The following FHIT variants were observed in gnomAD, a reference collection of about 807,000 sequenced individuals.
FHIT encodes fragile histidine triad diadenosine triphosphatase.
FHIT carries 19 observed loss-of-function variants against 17.9 expected under a neutral mutation model. That is an observed-to-expected ratio of 1.06 (90% CI 0.74 to 1.56). The LOEUF is 1.56. Ranked by LOEUF, FHIT falls within the 40% of genes most tolerant of loss-of-function variation. The pLI is 0.00. For synonymous variants in FHIT, 81 were observed against 69.7 expected, an observed-to-expected ratio of 1.16 and a Z score of -0.81; for missense variants, 248 against 189.2, an observed-to-expected ratio of 1.31 and a Z score of -1.82.
chr3:60,516,862 T>C (rs2035179559), intron 5 of FHIT, among the ~76,000 whole-genome samples: 1 of 152,230 alleles, frequency 6.6e-6, no homozygotes, highest in African/African-American at 2.4e-5. Context: ...ACCCATGTTA[T>C]AATAGGGATA....
At chr3:60,389,989 A>C (rs1701157859) in intron 5 of FHIT, among the ~76,000 whole-genome samples, 1 of 152,120 alleles carries the variant, frequency 6.6e-6, no homozygotes, top group Admixed American at 6.5e-5. Context: ...CTCCTCTGAA[A>C]ACGCTTTTCA....
intron 3 of FHIT, among the ~76,000 whole-genome samples, chr3:61,015,905 G>A (rs1433044035): frequency 2.6e-5 from 4 of 152,230 alleles, no homozygotes; most frequent in Non-Finnish European, 5.9e-5. Context: ...CAGATCTTCA[G>A]AGGAACTTTT....
At chr3:60,266,865 C>A (rs140772710) in intron 5 of FHIT, among the ~76,000 whole-genome samples, 1 of 151,968 alleles carries the variant, frequency 6.6e-6, no homozygotes, top group East Asian at 1.9e-4. Flanking sequence ...GGGGCTAAGA[C>A]AGTGATAAGT....
chr3:60,135,711 C>T (rs1025691129), intron 5 of FHIT, among the ~76,000 whole-genome samples: 1 of 152,122 alleles, frequency 6.6e-6, no homozygotes, highest in Admixed American at 6.6e-5. Context: ...GCCTGCACAA[C>T]CCCAAAGGAC....
intron 4 of FHIT, among the ~76,000 whole-genome samples, chr3:60,604,694 G>C (rs1400211683): frequency 6.6e-6 from 1 of 152,098 alleles, no homozygotes; most frequent in Non-Finnish European, 1.5e-5. Flanking sequence ...AAAAACCGAG[G>C]TTCCCACTCT....
At chr3:59,946,043 A>C (rs1191232284) in intron 7 of FHIT, among the ~76,000 whole-genome samples, 1 of 152,156 alleles carries the variant, frequency 6.6e-6, no homozygotes, top group East Asian at 1.9e-4. Context: ...TTTAGAATAA[A>C]TTTTTCTAAT....
chr3:60,137,750 G>C (rs1045127204), intron 5 of FHIT, among the ~76,000 whole-genome samples: 5 of 151,644 alleles, frequency 3.3e-5, no homozygotes, highest in African/African-American at 1.2e-4. Flanking sequence ...GTCAGCACTG[G>C]ATCAACCTCT....
intron 5 of FHIT, among the ~76,000 whole-genome samples, chr3:60,265,518 C>G (rs1706526184): frequency 1.3e-5 from 2 of 151,788 alleles, no homozygotes; most frequent in African/African-American, 4.8e-5. Context: ...GGTCTCTTAG[C>G]TATGTCAGCA....
At chr3:60,016,051 C>T (rs564990550) in intron 5 of FHIT, among the ~76,000 whole-genome samples, 3 of 152,204 alleles carry the variant, frequency 2.0e-5, no homozygotes, top group Non-Finnish European at 4.4e-5. Context: ...GCCTCTTAGG[C>T]CTTGTTAATG....
At chr3:60,503,641 G>T (rs1559497545) in intron 5 of FHIT, among the ~76,000 whole-genome samples, 1 of 152,002 alleles carries the variant, frequency 6.6e-6, no homozygotes, top group Non-Finnish European at 1.5e-5. Flanking sequence ...TAATCATATT[G>T]ATGAAATATT....
intron 5 of FHIT, among the ~76,000 whole-genome samples, chr3:60,101,352 C>T (rs1239361101): frequency 6.6e-6 from 1 of 152,230 alleles, no homozygotes; most frequent in Non-Finnish European, 1.5e-5. Context: ...TCACTGGCTT[C>T]CTCTCACACC....
chr3:60,566,983 T>C (rs1196355275), intron 4 of FHIT, among the ~76,000 whole-genome samples: 5 of 147,504 alleles, frequency 3.4e-5, no homozygotes, highest in African/African-American at 1.3e-4. Flanking sequence ...TGGAAGAACA[T>C]TCCATGCTCA....
intron 2 of FHIT, among the ~76,000 whole-genome samples, chr3:61,136,212 C>T (rs1335405831): frequency 3.3e-5 from 5 of 152,012 alleles, no homozygotes; most frequent in Non-Finnish European, 7.4e-5. Context: ...CCACCACCAC[C>T]GTCACCACGC....
At chr3:61,194,113 C>A (rs888810399) in intron 2 of FHIT, among the ~76,000 whole-genome samples, 1 of 152,034 alleles carries the variant, frequency 6.6e-6, no homozygotes, top group African/African-American at 2.4e-5. Context: ...CTCTGTGTAA[C>A]GTTCTTTCTT....
intron 5 of FHIT, among the ~76,000 whole-genome samples, chr3:60,343,632 T>C (rs957817528): frequency 2.0e-5 from 3 of 152,182 alleles, no homozygotes; most frequent in African/African-American, 7.2e-5. Flanking sequence ...TAATTAATAA[T>C]GTTTCATTTT....
At chr3:60,035,809 T>C (rs1046682693) in intron 5 of FHIT, among the ~76,000 whole-genome samples, 4 of 152,210 alleles carry the variant, frequency 2.6e-5, no homozygotes, top group African/African-American at 4.8e-5. Context: ...ATGCCTTAGT[T>C]AATATTGTCT....
intron 5 of FHIT, among the ~76,000 whole-genome samples, chr3:60,436,024 T>C (rs970186557): frequency 3.9e-5 from 6 of 152,182 alleles, no homozygotes; most frequent in Admixed American, 3.3e-4. Context: ...ATTCCATGTG[T>C]ATATGTACCA....
chr3:59,902,151 GA>G (rs1344526758), intron 8 of FHIT, among the ~76,000 whole-genome samples: 2 of 152,090 alleles, frequency 1.3e-5, no homozygotes, highest in East Asian at 3.9e-4. Flanking sequence ...GACCCGCATG[GA>G]TATTTTTCCG....
At chr3:60,288,887 A>T (rs1707853388) in intron 5 of FHIT, among the ~76,000 whole-genome samples, 2 of 152,184 alleles carry the variant, frequency 1.3e-5, no homozygotes, top group Non-Finnish European at 2.9e-5. Context: ...TACATATAAT[A>T]ACTGAAATAT....
Sources: gnomAD v4.1 joint callset for allele counts (sites outside exome capture counted in the v4.1 genomes callset) on GRCh38, gnomAD v4.1.1 for gene constraint, MANE v1.5 for transcripts, NCBI Gene and HGNC (gene_info 2026-07-23, HGNC 2026-07-21) for gene names.